AK1: variants seen among roughly 807,000 people sequenced by gnomAD.
AK1 encodes the protein adenylate kinase 1.
A neutral mutation model predicts 23.9 loss-of-function variants in AK1; 13 were observed. The observed-to-expected ratio is 0.54, with a 90% CI of 0.35 to 0.86. The LOEUF (loss-of-function observed/expected upper bound fraction) is 0.86, where lower values mean the gene tolerates loss of function less well. Ranked by LOEUF, AK1 falls within the 40% of genes least tolerant of loss-of-function variation. The pLI is 0.01. For synonymous variants in AK1, 97 were observed against 102.8 expected, an observed-to-expected ratio of 0.94 and a Z score of 0.34; for missense variants, 214 against 255.1, an observed-to-expected ratio of 0.84 and a Z score of 1.10.
rs542537772 is a variant in AK1, at chr9:127,867,436, G to A, written c.*572C>T. ...TTCACTACCCACTGGGCCAGCTGGC[G>A]TGGGCCGCCCCAACTGCCCAGGAAG... On this transcript the variant is annotated 3_prime_UTR_variant, in exon 7 of 7. Transcript: ENST00000644144. 49 of 156,478 alleles carry A rather than the reference G, an allele frequency of 3.1e-4. 1 individual carries two copies. In the South Asian group the frequency reaches 8.8e-3, roughly 28 times the overall value. The allele number at this position is 156,478 out of a possible 1,614,324, so 9.7% of individuals were successfully genotyped here. A position where few individuals can be genotyped will look rare whatever the true frequency, so the allele number is the denominator to read the frequency against.
intron 5 of AK1, among the ~76,000 whole-genome samples, chr9:127,870,816 A>AATGGGGCACGGGG (rs1829381022): frequency 2.9e-4 from 5 of 17,086 alleles, no homozygotes; most frequent in African/African-American, 3.3e-4. Flanking sequence ...GGGGCATGGG[A>AATGGGGCACGGGG]ATGGGGCATG....
rs758239561 is a variant in AK1, at chr9:127,872,840, T to C, written c.57A>G (p.Ser19=). The change falls in exon 4 of 7, where the codon TCA becomes TCG. Residue 19 remains serine (S), a synonymous_variant. Transcript: ENST00000644144. ...TCTTCTCACACTGGGTGCCCTTCCC[T>C]GAGCCAGGCCCACCTGCAAACGCCC... ...KIIFVVGGPG[S]GKGTQCEKIV... is the part of the protein sequence containing the mutation. 3 of 1,614,042 alleles carry C rather than the reference T, an allele frequency of 1.9e-6. No individual in the cohort carries two copies. Among genetic ancestry groups the C allele is most frequent in the Non-Finnish European group, 8.5e-7 (1 of 1,179,992 alleles).
At chr9:127,877,705 A>T (rs1829574626), upstream of AK1, 1 of 152,298 alleles carries the variant, frequency 6.6e-6, no homozygotes, top group Non-Finnish European at 1.5e-5. The surrounding 1 kb of genome is among the most constrained non-coding windows in gnomAD (Gnocchi z 5.2). Flanking sequence ...ACTATTTATA[A>T]GGCTGTCAGC....
At position 127,868,144 on chromosome 9, in the gene AK1, C is replaced by G. The variant is rs1217540431; in HGVS notation, c.517-68G>C. Reference sequence around the variant, plus strand: ...TGGGGTGGGCCTCACCATGGCAGGCCCCAGAGACCAGGCCTGCCTCCCCGA... The same window carrying G: ...TGGGGTGGGCCTCACCATGGCAGGCGCCAGAGACCAGGCCTGCCTCCCCGA... On this transcript the variant is annotated intron_variant, in intron 6 of 6. Transcript: ENST00000644144. The surrounding 1 kb of genome is among the most constrained non-coding windows in gnomAD (Gnocchi z 4.1). The G allele has an allele frequency of 3.8e-6, 6 of 1,576,018 alleles. No homozygotes were observed. In the Admixed American group the frequency reaches 8.4e-5, roughly 22 times the overall value.
chr9:127,876,325 C>G (rs564621893), intron 1 of AK1, among the ~76,000 whole-genome samples: 1 of 152,316 alleles, frequency 6.6e-6, no homozygotes, highest in East Asian at 1.9e-4. Context: ...CTGGCATGGG[C>G]TGAGCACAGG....
chr9:127,869,162 T>G (rs1829325338), intron 5 of AK1, among the ~76,000 whole-genome samples: 1 of 152,188 alleles, frequency 6.6e-6, no homozygotes, highest in Non-Finnish European at 1.5e-5. Context: ...ATGTCATCCA[T>G]GGGACGCCTT....
chr9:127,874,542 G>C, intron 2 of AK1, 69 bp downstream of exon 2: 1 of 1,611,816 alleles, frequency 6.2e-7, no homozygotes. Flanking sequence ...GTCTCCCTGA[G>C]AGCGCACCCC....
Position 127,866,957 on chromosome 9 carries a change from G to A in AK1, c.*1051C>T, listed in dbSNP as rs1211592372. 6.6e-6 allele frequency: 1 copy of A among 152,004 alleles called. No homozygotes were observed. The highest frequency in any genetic ancestry group is 2.4e-5 in the African/African-American group (1 of 41,370). 9.4% of individuals were successfully genotyped at this position (152,004 alleles called of 1,614,324 possible). On this transcript the variant is annotated 3_prime_UTR_variant, in exon 7 of 7. Coordinates refer to ENST00000644144, the MANE Select transcript of AK1 (RefSeq NM_000476.3). ...TGGGCTGTGTCCAGGGCCACACAGG[G>A]GGAGGTCCTTCAGGTCTCACCCCTG...
rs146320071 is a variant in AK1, at chr9:127,872,745, G to A, written c.152C>T (p.Ser51Leu). Residue 51 changes from serine to leucine, a missense_variant, in exon 4 of 7, where the codon TCG becomes TTG. Coordinates refer to ENST00000644144, the MANE Select transcript of AK1 (RefSeq NM_000476.3). ...TTCCGACAGCTTCTTGCCCCTGGCCGAGCCTGAGCTGACCTCGGACCGCAG... is the reference window on the plus strand; with the variant it reads ...TTCCGACAGCTTCTTGCCCCTGGCCAAGCCTGAGCTGACCTCGGACCGCAG... Reference protein sequence around the residue: ...DLLRSEVSSGSARGKKLSEIM... With the variant: ...DLLRSEVSSGLARGKKLSEIM... The A allele has an allele frequency of 1.5e-5, 25 of 1,614,132 alleles. 1 individual carries two copies. The highest frequency in any genetic ancestry group is 1.3e-4 in the African/African-American group (10 of 75,046).
In AK1 at chr9:127,871,765, G is replaced by A. The variant is rs1722651086; in HGVS notation, c.324+58C>T. 5.5e-6 allele frequency: 8 copies of A among 1,445,188 alleles called. No homozygotes were observed. The highest frequency in any genetic ancestry group is 6.8e-6 in the Non-Finnish European group (7 of 1,027,798). The allele number at this position is 1,445,188 out of a possible 1,614,324, so 89.5% of individuals were successfully genotyped here. ...CAGCCCCCGCAGGCCCGCCCATGGG[G>A]ATGGGAGTCTTATCCTGCCCCAGCC... On this transcript the variant is annotated intron_variant, in intron 5 of 6. Coordinates refer to ENST00000644144, the MANE Select transcript of AK1 (RefSeq NM_000476.3). This position sits in a 1 kb window ranked among gnomAD's most constrained non-coding sequence, Gnocchi z 4.4.
At chr9:127,879,052 G>A (rs1045801669), upstream of AK1, among the ~76,000 whole-genome samples, 1 of 133,784 alleles carries the variant, frequency 7.5e-6, no homozygotes, top group African/African-American at 2.9e-5. Context: ...ACGAGATCCC[G>A]TCTCTAAAAA....
Position 127,867,708 on chromosome 9 carries a change from A to G in AK1, c.*300T>C. On this transcript the variant is annotated 3_prime_UTR_variant, in exon 7 of 7. Coordinates refer to ENST00000644144, the MANE Select transcript of AK1 (RefSeq NM_000476.3). Reference sequence around the variant, plus strand: ...GGGCCCCGGGCCTCCCACCAGAGCTAGAGGAGGGGTGGCTGGCAAAGGGAG... The same window carrying G: ...GGGCCCCGGGCCTCCCACCAGAGCTGGAGGAGGGGTGGCTGGCAAAGGGAG... The G allele has an allele frequency of 2.6e-6, 1 of 391,222 alleles. No homozygotes were observed. Among genetic ancestry groups the G allele is most frequent in the African/African-American group, 2.1e-5 (1 of 48,350 alleles). The allele number at this position is 391,222 out of a possible 1,614,324, so 24.2% of individuals were successfully genotyped here. A position where few individuals can be genotyped will look rare whatever the true frequency, so the allele number is the denominator to read the frequency against.
Position 127,868,123 on chromosome 9 carries a change from G to A in AK1, c.517-47C>T. ...GGGCTGAGTCACCAGGTGGAGTGGG[G>A]TGGGCCTCACCATGGCAGGCCCCAG... On this transcript the variant is annotated intron_variant, in intron 6 of 6. Transcript: ENST00000644144. The surrounding 1 kb of genome is among the most constrained non-coding windows in gnomAD (Gnocchi z 4.1). 1 of 1,601,554 alleles carries A rather than the reference G, an allele frequency of 6.2e-7. No individual in the cohort carries two copies. The highest frequency in any genetic ancestry group is 1.1e-5 in the South Asian group (1 of 90,798).
Position 127,871,756 on chromosome 9 carries a change from G to T in AK1, c.324+67C>A. ...CCTGCATCACAGCCCCCGCAGGCCC[G>T]CCCATGGGGATGGGAGTCTTATCCT... On this transcript the variant is annotated intron_variant, in intron 5 of 6. Coordinates refer to ENST00000644144, the MANE Select transcript of AK1 (RefSeq NM_000476.3). The surrounding 1 kb of genome is among the most constrained non-coding windows in gnomAD (Gnocchi z 4.4). 1 of 1,361,894 alleles carries T rather than the reference G, an allele frequency of 7.3e-7. No homozygotes were observed. The highest frequency in any genetic ancestry group is 1.0e-6 in the Non-Finnish European group (1 of 953,058). The allele number at this position is 1,361,894 out of a possible 1,614,324, so 84.4% of individuals were successfully genotyped here.
chr9:127,872,227 C>T (rs1375671710), intron 4 of AK1, among the ~76,000 whole-genome samples: 1 of 152,156 alleles, frequency 6.6e-6, no homozygotes, highest in Non-Finnish European at 1.5e-5. Flanking sequence ...CCTTCCCTGC[C>T]CTGGGGAGCT....
In AK1 at chr9:127,871,023, G is replaced by T. The variant is rs1210079876; in HGVS notation, c.324+800C>A. ...TGTGTGCGAGCACGTGTGCATTCCT[G>T]CATATGTGTGCTGCGTCCGTGACAT... On this transcript the variant is annotated intron_variant, in intron 5 of 6. Transcript: ENST00000644144. This position sits in a 1 kb window ranked among gnomAD's most constrained non-coding sequence, Gnocchi z 4.4. Among the ~76,000 whole-genome samples the T allele has an allele frequency of 6.6e-6, 1 of 151,830 alleles. No individual in the cohort carries two copies. The highest frequency in any genetic ancestry group is 1.5e-5 in the Non-Finnish European group (1 of 68,042).
intron 1 of AK1, among the ~76,000 whole-genome samples, chr9:127,875,224 G>C (rs1223701753): frequency 6.6e-6 from 1 of 151,930 alleles, no homozygotes; most frequent in Non-Finnish European, 1.5e-5. Context: ...AAGTGAGGCG[G>C]TCCCAGGCTC....
chr9:127,873,601 A>G (rs1829470687), intron 2 of AK1: 3 of 1,418,204 alleles, frequency 2.1e-6, no homozygotes, highest in Non-Finnish European at 2.8e-6. Context: ...TGTGGTGGGC[A>G]TGTGGAACTC....
At chr9:127,870,816 A>G (rs373776107) in intron 5 of AK1, among the ~76,000 whole-genome samples, 189 of 17,084 alleles carry the variant, frequency 0.011, no homozygotes, top group South Asian at 0.046. Context: ...GGGGCATGGG[A>G]ATGGGGCATG....
Sources: gnomAD v4.1 joint callset for allele counts (sites outside exome capture counted in the v4.1 genomes callset) on GRCh38, gnomAD v4.1.1 for gene constraint, Gnocchi (gnomAD v3.1) non-coding constraint, MANE v1.5 for transcripts, NCBI Gene and HGNC (gene_info 2026-07-23, HGNC 2026-07-21) for gene names.